Variants in FRK observed in about 807,000 individuals in gnomAD.
The protein encoded by FRK is tyrosine-protein kinase FRK.
A neutral mutation model predicts 56.4 loss-of-function variants in FRK; 51 were observed. That is an observed-to-expected ratio of 0.90 (90% CI 0.72 to 1.14). FRK has a LOEUF of 1.14. Among genes scored for constraint, FRK ranks in the 50% most tolerant of loss-of-function variants. The probability of loss-of-function intolerance (pLI) is 0.00; values close to 1 mark genes in which losing one functional copy is unlikely to be tolerated. For missense variants in FRK, 570 were observed against 601.4 expected (o/e 0.95, Z 0.55); for synonymous variants, 245 against 217.9 (o/e 1.12, Z -1.10).
chr6:115,956,516 T>G lies in FRK; in HGVS notation c.894A>C (p.Leu298Phe). ...KLIQLYAVCT[L>F]EDPIYIITEL... ...CTGTAATAATATAAATTGGATCTTC[T>G]AAAGTGCAAACAGCATAAAGCTGGA... is the stretch of plus-strand genomic sequence containing the variant. The change falls in exon 5 of 8, where the codon TTA becomes TTC. Residue 298 changes from leucine (L) to phenylalanine (F), a missense_variant. By Grantham distance (22) the Leu-to-Phe change is conservative. Coordinates refer to ENST00000606080, the MANE Select transcript of FRK (RefSeq NM_002031.3). 6.3e-7 allele frequency: 1 copy of G among 1,591,468 alleles called. No individual in the cohort carries two copies. The highest frequency in any genetic ancestry group is 8.6e-7 in the Non-Finnish European group (1 of 1,169,210).
At chr6:116,033,659 A>G (rs1490120081) in intron 1 of FRK, among the ~76,000 whole-genome samples, 1 of 152,182 alleles carries the variant, frequency 6.6e-6, no homozygotes, top group African/African-American at 2.4e-5. Flanking sequence ...GATGGTGTAA[A>G]TGAGAGATAA....
intron 1 of FRK, among the ~76,000 whole-genome samples, chr6:116,039,698 A>G (rs1414079530): frequency 6.6e-6 from 1 of 152,046 alleles, no homozygotes; most frequent in East Asian, 1.9e-4. Flanking sequence ...CACTTAGTAT[A>G]ATCGTTGGAA....
chr6:116,077,525 T>C, the FRK span, among the ~76,000 whole-genome samples: 1 of 152,222 alleles, frequency 6.6e-6, no homozygotes, highest in South Asian at 2.1e-4. Context: ...CGGTGCTAAT[T>C]CAGTGTGATC....
chr6:116,054,455 T>TATAATATAA (rs1562307938), intron 1 of FRK, among the ~76,000 whole-genome samples: 3 of 144,494 alleles, frequency 2.1e-5, no homozygotes, highest in Non-Finnish European at 3.0e-5. Context: ...TTATACTATA[T>TATAATATAA]TATATATAAT....
chr6:115,956,699 C>T (rs1773007776), intron 4 of FRK, 89 bp from the exon 5 acceptor site: 4 of 1,077,854 alleles, frequency 3.7e-6, no homozygotes, highest in Non-Finnish European at 2.6e-6. Context: ...AGATTGCCTC[C>T]TGCTTCTCAG....
intron 1 of FRK, among the ~76,000 whole-genome samples, chr6:116,021,680 G>C (rs905636945): frequency 3.3e-5 from 5 of 152,014 alleles, no homozygotes; most frequent in Admixed American, 6.6e-5. Context: ...ACAAAAATAA[G>C]ATGATTAAGA....
chr6:115,988,678 T>C (rs994886341), intron 2 of FRK, among the ~76,000 whole-genome samples: 3 of 151,370 alleles, frequency 2.0e-5, no homozygotes, highest in Non-Finnish European at 4.4e-5. Flanking sequence ...GAGGGAAGAG[T>C]TGAGTAGCAC....
At chr6:116,053,944 TATTA>T (rs948268081) in intron 1 of FRK, among the ~76,000 whole-genome samples, 3 of 152,046 alleles carry the variant, frequency 2.0e-5, no homozygotes, top group African/African-American at 7.2e-5. Flanking sequence ...TTGACACAGG[TATTA>T]ATTAAACTTC....
intron 1 of FRK, among the ~76,000 whole-genome samples, chr6:116,022,640 G>T (rs571954184): frequency 9.9e-5 from 15 of 152,066 alleles, no homozygotes; most frequent in Non-Finnish European, 2.2e-4. Context: ...TAGCAAAGTT[G>T]AAATAGAAGA....
At chr6:116,077,102 T>A in the FRK span, among the ~76,000 whole-genome samples, 1 of 152,226 alleles carries the variant, frequency 6.6e-6, no homozygotes, top group Admixed American at 6.5e-5. Flanking sequence ...ATTAATGAAG[T>A]AATTCATATA....
At chr6:115,952,232 G>T (rs1224098922) in intron 5 of FRK, among the ~76,000 whole-genome samples, 1 of 152,012 alleles carries the variant, frequency 6.6e-6, no homozygotes, top group South Asian at 2.1e-4. Flanking sequence ...CATTGCTTTT[G>T]GTGTTTTAGA....
the FRK span, among the ~76,000 whole-genome samples, chr6:116,095,728 T>C: frequency 3.3e-5 from 5 of 152,138 alleles, no homozygotes; most frequent in African/African-American, 1.2e-4. Context: ...ACAAAATCTA[T>C]CCAGTAAGGA....
intron 4 of FRK, among the ~76,000 whole-genome samples, chr6:115,960,213 C>G (rs537805380): frequency 6.6e-6 from 1 of 150,826 alleles, no homozygotes; most frequent in Non-Finnish European, 1.5e-5. Flanking sequence ...CGAAGCAGGG[C>G]GAGGCATTGC....
chr6:115,952,350 T>C (rs1306525540), intron 5 of FRK, among the ~76,000 whole-genome samples: 1 of 152,064 alleles, frequency 6.6e-6, no homozygotes, highest in Non-Finnish European at 1.5e-5. Context: ...ATCAGAGAAA[T>C]GCAAATCAAA....
At chr6:116,056,168 C>T (rs938350744) in intron 1 of FRK, among the ~76,000 whole-genome samples, 6 of 150,688 alleles carry the variant, frequency 4.0e-5, no homozygotes, top group African/African-American at 1.5e-4. Context: ...CTAAGGTACA[C>T]TTTAACAATT....
At chr6:115,959,268 T>A (rs1323060470) in intron 4 of FRK, among the ~76,000 whole-genome samples, 1 of 152,240 alleles carries the variant, frequency 6.6e-6, no homozygotes, top group African/African-American at 2.4e-5. Flanking sequence ...GCTATTACAC[T>A]GTAAATCAAT....
rs1324424101 is a variant in FRK at position 115,967,577 on chromosome 6, G to A, written c.773C>T (p.Pro258Leu). 6.2e-7 allele frequency: 1 copy of A among 1,613,478 alleles called. No individual in the cohort carries two copies. The highest frequency in any genetic ancestry group is 1.7e-5 in the Admixed American group (1 of 59,972). Residue 258 changes from proline (P) to leucine (L), a missense_variant, in exon 4 of 8, where the codon CCA becomes CTA. Transcript: ENST00000606080. ...VWEGLWNNTT[P>L]VAVKTLKPGS... ...TGGTTTTAATGTTTTCACTGCTACT[G>A]GAGTGGTATTGTTCCACAGACCTTC...
At chr6:116,044,688 C>T (rs561493490) in intron 1 of FRK, among the ~76,000 whole-genome samples, 24 of 152,334 alleles carry the variant, frequency 1.6e-4, no homozygotes, top group African/African-American at 4.8e-4. Context: ...CAAGGATGAT[C>T]TCTCTCACCA....
chr6:115,956,697 T>A, intron 4 of FRK, 87 bp from the exon 5 acceptor site: 1 of 1,066,948 alleles, frequency 9.4e-7, no homozygotes, highest in Non-Finnish European at 1.3e-6. Flanking sequence ...CAAGATTGCC[T>A]CCTGCTTCTC....
Sources: allele counts gnomAD v4.1 joint callset (sites outside exome capture counted in the v4.1 genomes callset), GRCh38; gene constraint gnomAD v4.1.1; transcripts MANE v1.5; gene names NCBI Gene and HGNC (gene_info 2026-07-23, HGNC 2026-07-21).